The following TMEM200B variants were observed in gnomAD, a reference collection of about 807,000 sequenced individuals.
TMEM200B encodes the protein transmembrane protein 200B, also known as transmembrane protein TTMA.
TMEM200B carries 12 observed loss-of-function variants against 17.6 expected under a neutral mutation model. The ratio of observed to expected loss-of-function variants is 0.68; its 90% CI spans 0.44 to 1.11. TMEM200B has a LOEUF of 1.11. TMEM200B is among the 50% of genes least tolerant of loss of function. The pLI is 0.00. For missense variants in TMEM200B, 456 were observed against 447.6 expected (o/e 1.02, Z -0.17); for synonymous variants, 234 against 209.2 (o/e 1.12, Z -1.02).
rs772580878 is a variant in TMEM200B, at chr1:29,121,034, A to G, written c.795T>C (p.Leu265=). ...IEHSKSLDLG[L]GELLLGAPAA... is the part of the protein sequence containing the mutation. Reference sequence around the variant, plus strand: ...CTGGGGCCCCAAGGAGGAGCTCCCCAAGGCCCAGATCCAGAGACTTGGAAT... The same window carrying G: ...CTGGGGCCCCAAGGAGGAGCTCCCCGAGGCCCAGATCCAGAGACTTGGAAT... Residue 265 remains leucine, a synonymous_variant, in exon 2 of 2, where the codon CTT becomes CTC. Coordinates refer to ENST00000521452, the MANE Select transcript of TMEM200B (RefSeq NM_001003682.4). The surrounding 1 kb of genome is among the most constrained non-coding windows in gnomAD (Gnocchi z 5.6). 5 of 1,613,670 alleles carry G rather than the reference A, an allele frequency of 3.1e-6. No individual in the cohort carries two copies. Among genetic ancestry groups the G allele is most frequent in the East Asian group, 2.2e-5 (1 of 44,870 alleles).
Position 29,121,915 on chromosome 1 carries a change from G to T in TMEM200B, c.-20-67C>A. ...CTCTAGCTTCAGGGCGCCAGGTTCGGGGCGCAAATCCGGGAGGGAAGCTCC... is the reference window on the plus strand; with the variant it reads ...CTCTAGCTTCAGGGCGCCAGGTTCGTGGCGCAAATCCGGGAGGGAAGCTCC... On this transcript the variant is annotated intron_variant, in intron 1 of 1. Coordinates refer to ENST00000521452, the MANE Select transcript of TMEM200B (RefSeq NM_001003682.4). This position sits in a 1 kb window ranked among gnomAD's most constrained non-coding sequence, Gnocchi z 5.6. The T allele has an allele frequency of 2.7e-6, 3 of 1,109,340 alleles. No individual in the cohort carries two copies. Among genetic ancestry groups the T allele is most frequent in the Non-Finnish European group, 3.3e-6 (3 of 898,932 alleles). 68.7% of individuals were successfully genotyped at this position (1,109,340 alleles called of 1,614,324 possible).
In TMEM200B at chr1:29,121,503, C is replaced by A; in HGVS notation, c.326G>T (p.Gly109Val). Residue 109 changes from glycine to valine, a missense_variant, in exon 2 of 2, where the codon GGC becomes GTC. Coordinates refer to ENST00000521452, the MANE Select transcript of TMEM200B (RefSeq NM_001003682.4). This position sits in a 1 kb window ranked among gnomAD's most constrained non-coding sequence, Gnocchi z 5.6. ...REGRGGGRAH[G>V]PHERLRLLGP... ...GAGGAGCCGCAGCCGCTCGTGCGGG[C>A]CGTGAGCCCGGCCCCCGCCGCGACC... The A allele has an allele frequency of 6.6e-7, 1 of 1,516,958 alleles. No homozygotes were observed. Among genetic ancestry groups the A allele is most frequent in the Non-Finnish European group, 8.8e-7 (1 of 1,137,652 alleles). The allele number at this position is 1,516,958 out of a possible 1,614,324, so 94.0% of individuals were successfully genotyped here.
chr1:29,119,828 TA>T lies in TMEM200B; in HGVS notation c.*1076del, dbSNP rs1404516498. 2.1e-5 allele frequency: 3 copies of T among 142,678 alleles called. No individual in the cohort carries two copies. The highest frequency in any genetic ancestry group is 2.0e-4 in the East Asian group (1 of 4,964). 8.8% of individuals were successfully genotyped at this position (142,678 alleles called of 1,614,324 possible). ...ATGAAGGAGCTTTGTAAATTTTTTT[TA>T]AAATTATGAATCATATCAAGTAGTT... On this transcript the variant is annotated 3_prime_UTR_variant, in exon 2 of 2. Transcript: ENST00000521452.
At position 29,121,626 on chromosome 1, in the gene TMEM200B, C is replaced by A; in HGVS notation, c.203G>T (p.Gly68Val). ...LGALVVLVGM[G>V]IAVAGYWPHR... ...CGGCCAGTAGCCGGCCACTGCAATG[C>A]CCATACCCACCAGTACCACGAGCGC... Residue 68 changes from glycine (G) to valine (V), a missense_variant, in exon 2 of 2, where the codon GGC becomes GTC. Physicochemically the swap from Gly to Val is moderately radical, Grantham distance 109. Transcript: ENST00000521452. This position sits in a 1 kb window ranked among gnomAD's most constrained non-coding sequence, Gnocchi z 5.6. 1 of 1,490,136 alleles carries A rather than the reference C, an allele frequency of 6.7e-7. No homozygotes were observed. The highest frequency in any genetic ancestry group is 2.3e-5 in the Admixed American group (1 of 43,226). The allele number at this position is 1,490,136 out of a possible 1,614,324, so 92.3% of individuals were successfully genotyped here.
intron 1 of TMEM200B, among the ~76,000 whole-genome samples, chr1:29,123,130 G>A (rs1030035271): frequency 1.6e-4 from 24 of 152,080 alleles, no homozygotes; most frequent in African/African-American, 5.8e-4. Flanking sequence ...CCCGACCCAC[G>A]CCCCATCTGC....
rs1007628638 is a variant in TMEM200B at position 29,120,574 on chromosome 1, C to G, written c.*331G>C. On this transcript the variant is annotated 3_prime_UTR_variant, in exon 2 of 2. Coordinates refer to ENST00000521452, the MANE Select transcript of TMEM200B (RefSeq NM_001003682.4). ...TTGCCCACCACTTTCTTGGGTTTGCCAAGACACTGGGTACATCTCCCAGTC... is the reference window on the plus strand; with the variant it reads ...TTGCCCACCACTTTCTTGGGTTTGCGAAGACACTGGGTACATCTCCCAGTC... The G allele has an allele frequency of 2.2e-5, 7 of 313,216 alleles. No homozygotes were observed. The highest frequency in any genetic ancestry group is 4.5e-5 in the Admixed American group (1 of 22,362). The allele number at this position is 313,216 out of a possible 1,614,324, so 19.4% of individuals were successfully genotyped here.
chr1:29,120,855 T>C lies in TMEM200B; in HGVS notation c.*50A>G. On this transcript the variant is annotated 3_prime_UTR_variant, in exon 2 of 2. Transcript: ENST00000521452. The stretch of plus-strand genomic sequence containing the variant: ...GTTGGGACTCCTGGTCCTTTGGTCC[T>C]ATTAGCATGGTCCATGCTGCAGCCT... The C allele has an allele frequency of 6.7e-7, 1 of 1,496,332 alleles. No individual in the cohort carries two copies. Among genetic ancestry groups the C allele is most frequent in the Non-Finnish European group, 8.9e-7 (1 of 1,120,498 alleles). 92.7% of individuals were successfully genotyped at this position (1,496,332 alleles called of 1,614,324 possible).
In TMEM200B at chr1:29,120,546, C is replaced by G. The variant is rs879248722; in HGVS notation, c.*359G>C. ...CCAACCTACCTCCCAGTCTTAGGGG[C>G]CCTTGCCCACCACTTTCTTGGGTTT... On this transcript the variant is annotated 3_prime_UTR_variant, in exon 2 of 2. Coordinates refer to ENST00000521452, the MANE Select transcript of TMEM200B (RefSeq NM_001003682.4). 9.3e-5 allele frequency: 24 copies of G among 257,136 alleles called. No homozygotes were observed. Among genetic ancestry groups the G allele is most frequent in the Middle Eastern group, 2.4e-3 (2 of 826 alleles). The allele number at this position is 257,136 out of a possible 1,614,324, so 15.9% of individuals were successfully genotyped here. A position where few individuals can be genotyped will look rare whatever the true frequency, so the allele number is the denominator to read the frequency against.
rs779608147 is a variant in TMEM200B, at chr1:29,121,368, G to A, written c.461C>T (p.Ala154Val). ...GCCGTCGGGGGGCCGGAGCGCCTGG[G>A]CCCGCAGCACCCCCTGGCGGAGCCG... Reference protein sequence around the residue: ...TRRLRQGVLRAQALRPPDGPG... With the variant: ...TRRLRQGVLRVQALRPPDGPG... Residue 154 changes from alanine (A) to valine (V), a missense_variant, in exon 2 of 2, where the codon GCC (alanine) becomes GTC (valine). Transcript: ENST00000521452. The surrounding 1 kb of genome is among the most constrained non-coding windows in gnomAD (Gnocchi z 5.6). The A allele has an allele frequency of 1.3e-6, 2 of 1,553,324 alleles. No homozygotes were observed. The highest frequency in any genetic ancestry group is 1.7e-6 in the Non-Finnish European group (2 of 1,151,266).
rs529995798 is a variant in TMEM200B at position 29,120,232 on chromosome 1, G to A, written c.*673C>T. 1 of 152,808 alleles carries A rather than the reference G, an allele frequency of 6.5e-6. No homozygotes were observed. Among genetic ancestry groups the A allele is most frequent in the Admixed American group, 6.5e-5 (1 of 15,302 alleles). 9.5% of individuals were successfully genotyped at this position (152,808 alleles called of 1,614,324 possible). On this transcript the variant is annotated 3_prime_UTR_variant, in exon 2 of 2. Coordinates refer to ENST00000521452, the MANE Select transcript of TMEM200B (RefSeq NM_001003682.4). ...TGGCCAATGCCTTTTGCCAGCTGCA[G>A]TGAGATTCTGCAGCATAGGCCACGA...
chr1:29,121,655 C>CT lies in TMEM200B; in HGVS notation c.173_174insA (p.Ala60GlyfsTer79). 7.0e-7 allele frequency: 1 copy of CT among 1,428,512 alleles called. No individual in the cohort carries two copies. The highest frequency in any genetic ancestry group is 1.4e-5 in the South Asian group (1 of 70,248). 88.5% of individuals were successfully genotyped at this position (1,428,512 alleles called of 1,614,324 possible). ...TACCCACCAGTACCACGAGCGCCCCCAGCGCCGCGAACGCCCCCGACGGCG... is the reference window on the plus strand; with the variant it reads ...TACCCACCAGTACCACGAGCGCCCCCTAGCGCCGCGAACGCCCCCGACGGCG... On this transcript the variant is annotated frameshift_variant, in exon 2 of 2. Coordinates refer to ENST00000521452, the MANE Select transcript of TMEM200B (RefSeq NM_001003682.4). LOFTEE classifies it high-confidence loss of function. The surrounding 1 kb of genome is among the most constrained non-coding windows in gnomAD (Gnocchi z 5.6).
chr1:29,121,101 T>C lies in TMEM200B; in HGVS notation c.728A>G (p.His243Arg), dbSNP rs764246545. Reference protein sequence around the residue: ...PPWGPRTQTGHVIITVQPSGS... With the variant: ...PPWGPRTQTGRVIITVQPSGS... ...AGACGGCTGCACGGTGATGATCACA[T>C]GGCCAGTCTGCGTCCGTGGACCCCA... The change falls in exon 2 of 2, where the codon CAT (histidine) becomes CGT (arginine). Residue 243 changes from histidine (H) to arginine (R), a missense_variant. His to Arg is a conservative substitution (Grantham distance 29). Coordinates refer to ENST00000521452, the MANE Select transcript of TMEM200B (RefSeq NM_001003682.4). The surrounding 1 kb of genome is among the most constrained non-coding windows in gnomAD (Gnocchi z 5.6). The C allele has an allele frequency of 2.5e-6, 4 of 1,613,834 alleles. No homozygotes were observed. Among genetic ancestry groups the C allele is most frequent in the Non-Finnish European group, 3.4e-6 (4 of 1,180,010 alleles).
rs1671602302 is a variant in TMEM200B at position 29,119,793 on chromosome 1, G to A, written c.*1112C>T. ...AAATCTCTCTCAAATGTATTATTTT[G>A]GTGACAAAAATGAAGGAGCTTTGTA... On this transcript the variant is annotated 3_prime_UTR_variant, in exon 2 of 2. Transcript: ENST00000521452. 1 of 146,498 alleles carries A rather than the reference G, an allele frequency of 6.8e-6. No individual in the cohort carries two copies. Among genetic ancestry groups the A allele is most frequent in the Admixed American group, 7.0e-5 (1 of 14,192 alleles). The allele number at this position is 146,498 out of a possible 1,614,324, so 9.1% of individuals were successfully genotyped here.
At chr1:29,122,492 G>A (rs542927161) in intron 1 of TMEM200B, 1 of 152,344 alleles carries the variant, frequency 6.6e-6, no homozygotes, top group Admixed American at 6.5e-5. Context: ...AAGACCGCTC[G>A]GATCAAGACC....
Position 29,122,000 on chromosome 1 carries a change from G to A in TMEM200B, c.-20-152C>T, listed in dbSNP as rs1671821149. Among the ~76,000 whole-genome samples the A allele has an allele frequency of 6.6e-6, 1 of 152,128 alleles. No individual in the cohort carries two copies. Among genetic ancestry groups the A allele is most frequent in the East Asian group, 1.9e-4 (1 of 5,166 alleles). On this transcript the variant is annotated intron_variant, in intron 1 of 1. Transcript: ENST00000521452. The surrounding 1 kb of genome is among the most constrained non-coding windows in gnomAD (Gnocchi z 5.6). ...CGGCCACCCCCGGATTTTCCCGGGCGGCGAGGCGGGGAGCCGCCCGCGCTC... is the reference window on the plus strand; with the variant it reads ...CGGCCACCCCCGGATTTTCCCGGGCAGCGAGGCGGGGAGCCGCCCGCGCTC...
chr1:29,121,418 A>G lies in TMEM200B; in HGVS notation c.411T>C (p.Tyr137=). 6.5e-7 allele frequency: 1 copy of G among 1,537,484 alleles called. No individual in the cohort carries two copies. The highest frequency in any genetic ancestry group is 8.7e-7 in the Non-Finnish European group (1 of 1,146,610). The part of the protein sequence containing the change: ...FVFICANTLL[Y]ENRDLETRRL... Reference sequence around the variant, plus strand: ...GTCGCGTCTCCAAGTCTCGGTTCTCATACAGCAGTGTGTTGGCGCAGATGA... The same window carrying G: ...GTCGCGTCTCCAAGTCTCGGTTCTCGTACAGCAGTGTGTTGGCGCAGATGA... The change falls in exon 2 of 2, where the codon TAT becomes TAC. Residue 137 remains tyrosine (Y), a synonymous_variant. Transcript: ENST00000521452. This position sits in a 1 kb window ranked among gnomAD's most constrained non-coding sequence, Gnocchi z 5.6.
In TMEM200B at chr1:29,121,951, C is replaced by A; in HGVS notation, c.-20-103G>T. On this transcript the variant is annotated intron_variant, in intron 1 of 1. Transcript: ENST00000521452. The surrounding 1 kb of genome is among the most constrained non-coding windows in gnomAD (Gnocchi z 5.6). ...CGGGAGGGAAGCTCCGGCCGCCCAGCCCAGGCCGCTTGGAGATCCCTGGCG... is the reference window on the plus strand; with the variant it reads ...CGGGAGGGAAGCTCCGGCCGCCCAGACCAGGCCGCTTGGAGATCCCTGGCG... 2 of 929,566 alleles carry A rather than the reference C, an allele frequency of 2.2e-6. No homozygotes were observed. Among genetic ancestry groups the A allele is most frequent in the Non-Finnish European group, 2.7e-6 (2 of 743,460 alleles). The allele number at this position is 929,566 out of a possible 1,614,324, so 57.6% of individuals were successfully genotyped here. A position where few individuals can be genotyped will look rare whatever the true frequency, so the allele number is the denominator to read the frequency against.
At position 29,121,873 on chromosome 1, in the gene TMEM200B, G is replaced by T. The variant is rs1289245416; in HGVS notation, c.-20-25C>A. ...TCTGCGGAGAGAAGATGGGAGGCAA[G>T]GACTGGACCGACGGGCCTCTAGCTT... On this transcript the variant is annotated intron_variant, in intron 1 of 1. Coordinates refer to ENST00000521452, the MANE Select transcript of TMEM200B (RefSeq NM_001003682.4). The surrounding 1 kb of genome is among the most constrained non-coding windows in gnomAD (Gnocchi z 5.6). The T allele has an allele frequency of 1.6e-6, 2 of 1,244,008 alleles. No homozygotes were observed. Among genetic ancestry groups the T allele is most frequent in the Non-Finnish European group, 2.0e-6 (2 of 987,966 alleles). The allele number at this position is 1,244,008 out of a possible 1,614,324, so 77.1% of individuals were successfully genotyped here.
Position 29,121,378 on chromosome 1 carries a change from C to A in TMEM200B, c.451G>T (p.Val151Leu), listed in dbSNP as rs1035742904. 7 of 1,549,504 alleles carry A rather than the reference C, an allele frequency of 4.5e-6. No homozygotes were observed. The highest frequency in any genetic ancestry group is 5.2e-6 in the Non-Finnish European group (6 of 1,149,940). The change falls in exon 2 of 2, where the codon GTG becomes TTG. Residue 151 changes from valine (V) to leucine (L), a missense_variant. Coordinates refer to ENST00000521452, the MANE Select transcript of TMEM200B (RefSeq NM_001003682.4). The surrounding 1 kb of genome is among the most constrained non-coding windows in gnomAD (Gnocchi z 5.6). ...GGCCGGAGCGCCTGGGCCCGCAGCA[C>A]CCCCTGGCGGAGCCGTCGCGTCTCC... ...DLETRRLRQG[V>L]LRAQALRPPD...
Sources: gnomAD v4.1 joint callset for allele counts (sites outside exome capture counted in the v4.1 genomes callset) on GRCh38, gnomAD v4.1.1 for gene constraint, Gnocchi (gnomAD v3.1) non-coding constraint, MANE v1.5 for transcripts, NCBI Gene and HGNC (gene_info 2026-07-23, HGNC 2026-07-21) for gene names.